The following ROR2 variants were observed in gnomAD, a reference collection of about 807,000 sequenced individuals.
The protein encoded by ROR2 is ROR family WNT receptor 2.
In ROR2, 33 loss-of-function variants were observed where a neutral mutation model predicts 74.9. That is an observed-to-expected ratio of 0.44 (90% CI 0.33 to 0.59). The LOEUF is 0.59. Ranked by LOEUF, ROR2 falls within the 20% of genes least tolerant of loss-of-function variation. ROR2 has a pLI of 0.02. For missense variants in ROR2, 1,216 were observed against 1,313.8 expected (o/e 0.93, Z 1.15); for synonymous variants, 586 against 558.7 (o/e 1.05, Z -0.69).
chr9:91,915,295 C>A (rs561683122), intron 1 of ROR2, among the ~76,000 whole-genome samples: 1 of 152,224 alleles, frequency 6.6e-6, no homozygotes. Flanking sequence ...ATCATCTTCT[C>A]TGGCACCCCT....
chr9:91,894,289 G>A (rs912612717), intron 1 of ROR2, among the ~76,000 whole-genome samples: 15 of 152,120 alleles, frequency 9.9e-5, no homozygotes, highest in African/African-American at 3.1e-4. Context: ...CCCCACCTTC[G>A]TTTGCACAAG....
At chr9:91,742,443 G>C (rs1364883806) in intron 4 of ROR2, among the ~76,000 whole-genome samples, 1 of 152,228 alleles carries the variant, frequency 6.6e-6, no homozygotes, top group Non-Finnish European at 1.5e-5. Context: ...ACAGAAGAAG[G>C]TGTAGTGAAG....
intron 1 of ROR2, among the ~76,000 whole-genome samples, chr9:91,792,182 G>A (rs558289356): frequency 1.3e-4 from 20 of 151,762 alleles, no homozygotes. Flanking sequence ...AGGAATTAGA[G>A]AAGGAAGAAC....
At chr9:91,834,900 A>G (rs1220562080) in intron 1 of ROR2, among the ~76,000 whole-genome samples, 1 of 152,192 alleles carries the variant, frequency 6.6e-6, no homozygotes, top group Non-Finnish European at 1.5e-5. Context: ...TGTTCAAGTG[A>G]GACCACTTTA....
At chr9:91,852,199 A>G (rs1829118250) in intron 1 of ROR2, among the ~76,000 whole-genome samples, 2 of 152,200 alleles carry the variant, frequency 1.3e-5, no homozygotes, top group Admixed American at 6.5e-5. Context: ...TCCTCCAGCC[A>G]ACATACTACA....
chr9:91,771,369 G>A (rs148725867), intron 2 of ROR2, among the ~76,000 whole-genome samples: 1 of 152,210 alleles, frequency 6.6e-6, no homozygotes, highest in South Asian at 2.1e-4. Context: ...TGTATTCCAT[G>A]TGCATTTAAA....
At chr9:91,751,365 G>C (rs1825591584) in intron 4 of ROR2, among the ~76,000 whole-genome samples, 1 of 152,124 alleles carries the variant, frequency 6.6e-6, no homozygotes, top group Non-Finnish European at 1.5e-5. Context: ...ATTTACAAGA[G>C]ACCTACATAA....
chr9:91,937,154 G>T (rs575176349), intron 1 of ROR2, among the ~76,000 whole-genome samples: 1 of 151,978 alleles, frequency 6.6e-6, no homozygotes, highest in African/African-American at 2.4e-5. Flanking sequence ...GTGCAAACTC[G>T]GGATTATAGA....
Position 91,724,641 on chromosome 9 carries a change from G to A in ROR2, c.1853C>T (p.Thr618Ile), listed in dbSNP as rs1207983824. The change falls in exon 9 of 9, where the codon ACC (threonine) becomes ATC (isoleucine). Residue 618 changes from threonine to isoleucine, a missense_variant. Thr to Ile is a moderately conservative substitution (Grantham distance 89, BLOSUM62 -1). Transcript: ENST00000375708. Reference sequence around the variant, plus strand: ...CTTGTCGTACACTAGCACATTGCGGGTGGCCAGGTCCTTGTGAACCACGTG... The same window carrying A: ...CTTGTCGTACACTAGCACATTGCGGATGGCCAGGTCCTTGTGAACCACGTG... ...SHHVVHKDLA[T>I]RNVLVYDKLN... 4.3e-6 allele frequency: 7 copies of A among 1,614,102 alleles called. No individual in the cohort carries two copies. The highest frequency in any genetic ancestry group is 2.2e-5 in the South Asian group (2 of 91,088).
intron 1 of ROR2, among the ~76,000 whole-genome samples, chr9:91,814,908 C>T (rs755164977): frequency 6.6e-5 from 10 of 152,296 alleles, no homozygotes; most frequent in African/African-American, 2.4e-4. Context: ...CTGGTTTCCA[C>T]GGGCTTAGAG....
chr9:91,769,340 A>G (rs1206702291), intron 2 of ROR2, among the ~76,000 whole-genome samples: 3 of 152,108 alleles, frequency 2.0e-5, no homozygotes, highest in Non-Finnish European at 2.9e-5. Flanking sequence ...CGCAGGGCTG[A>G]GATGCCCCAC....
chr9:91,862,062 G>A (rs1829484832), intron 1 of ROR2, among the ~76,000 whole-genome samples: 1 of 152,102 alleles, frequency 6.6e-6, no homozygotes, highest in Non-Finnish European at 1.5e-5. Flanking sequence ...GGTGGCTCAT[G>A]CCTGTAATCC....
At chr9:91,948,057 T>C (rs1013515396) in intron 1 of ROR2, among the ~76,000 whole-genome samples, 3 of 152,194 alleles carry the variant, frequency 2.0e-5, no homozygotes, top group Non-Finnish European at 4.4e-5. Flanking sequence ...TTTGTTCATA[T>C]AAGACATTTG....
intron 1 of ROR2, among the ~76,000 whole-genome samples, chr9:91,829,761 C>T (rs1828405256): frequency 1.3e-5 from 2 of 152,142 alleles, no homozygotes; most frequent in Non-Finnish European, 2.9e-5. Flanking sequence ...TACGAATCTT[C>T]ATTCATATGA....
chr9:91,807,044 G>A (rs1482193667), intron 1 of ROR2, among the ~76,000 whole-genome samples: 2 of 152,162 alleles, frequency 1.3e-5, no homozygotes, highest in Admixed American at 1.3e-4. Flanking sequence ...CAGACTTAGG[G>A]TCATAAAACT....
intron 1 of ROR2, among the ~76,000 whole-genome samples, chr9:91,933,362 C>T (rs928244418): frequency 1.3e-5 from 2 of 151,558 alleles, no homozygotes; most frequent in Admixed American, 1.3e-4. Context: ...ATTGGCTCTA[C>T]AGATACTCAC....
intron 1 of ROR2, among the ~76,000 whole-genome samples, chr9:91,944,280 T>G (rs1587866163): frequency 6.6e-6 from 1 of 152,238 alleles, no homozygotes; most frequent in African/African-American, 2.4e-5. Flanking sequence ...TATACAGTAG[T>G]GTTATCTTAT....
At chr9:91,809,926 C>T (rs1337344575) in intron 1 of ROR2, among the ~76,000 whole-genome samples, 2 of 152,354 alleles carry the variant, frequency 1.3e-5, no homozygotes, top group African/African-American at 4.8e-5. Flanking sequence ...GGAATTGAAA[C>T]GAGTGCCTCT....
chr9:91,844,784 G>C (rs1828875420), intron 1 of ROR2, among the ~76,000 whole-genome samples: 2 of 152,086 alleles, frequency 1.3e-5, no homozygotes, highest in South Asian at 2.1e-4. Flanking sequence ...GGTCAAAAAG[G>C]CTGTGTTTAG....
Sources: allele counts gnomAD v4.1 joint callset (sites outside exome capture counted in the v4.1 genomes callset), GRCh38; gene constraint gnomAD v4.1.1; transcripts MANE v1.5; gene names NCBI Gene and HGNC (gene_info 2026-07-23, HGNC 2026-07-21).